Variants in GABRB3 observed in about 807,000 individuals in gnomAD.
The protein encoded by GABRB3 is gamma-aminobutyric acid type A receptor subunit beta3.
A neutral mutation model predicts 52.1 loss-of-function variants in GABRB3; 14 were observed. That is an observed-to-expected ratio of 0.27 (90% CI 0.18 to 0.42). GABRB3 has a LOEUF of 0.42. Among genes scored for constraint, GABRB3 ranks in the 10% least tolerant of loss-of-function variants. The probability of loss-of-function intolerance (pLI) is 1.00; values close to 1 mark genes in which losing one functional copy is unlikely to be tolerated. For synonymous variants in GABRB3, 260 were observed against 232.3 expected (o/e 1.12, Z -1.08); for missense variants, 307 against 609.1 (o/e 0.50, Z 5.22).
At chr15:26,742,542 G>T (rs1024879274) in intron 3 of GABRB3, among the ~76,000 whole-genome samples, 1 of 152,172 alleles carries the variant, frequency 6.6e-6, no homozygotes, top group Non-Finnish European at 1.5e-5. Flanking sequence ...TGTGTCTAAT[G>T]TTTTCACCCA....
intron 3 of GABRB3, among the ~76,000 whole-genome samples, chr15:26,669,076 T>C (rs1342400475): frequency 6.6e-6 from 1 of 152,180 alleles, no homozygotes; most frequent in African/African-American, 2.4e-5. Flanking sequence ...GGCTCACTGC[T>C]TTCCATAAAC....
At chr15:26,701,260 TG>T (rs1279450174) in intron 3 of GABRB3, among the ~76,000 whole-genome samples, 3 of 150,908 alleles carry the variant, frequency 2.0e-5, no homozygotes, top group Non-Finnish European at 4.4e-5. Flanking sequence ...TGTGGTAAGT[TG>T]GGGGGAAAAA....
chr15:26,576,261 C>T (rs1890587326), intron 6 of GABRB3, among the ~76,000 whole-genome samples: 1 of 152,194 alleles, frequency 6.6e-6, no homozygotes, highest in African/African-American at 2.4e-5. Flanking sequence ...CTCAAATATC[C>T]TGACTGAGCT....
intron 3 of GABRB3, among the ~76,000 whole-genome samples, chr15:26,701,316 T>G (rs1046409651): frequency 6.6e-6 from 1 of 152,204 alleles, no homozygotes; most frequent in African/African-American, 2.4e-5. Context: ...GGGGCAACAC[T>G]GTCTTTATTC....
intron 3 of GABRB3, among the ~76,000 whole-genome samples, chr15:26,678,495 C>T (rs893354570): frequency 1.3e-5 from 2 of 150,280 alleles, no homozygotes; most frequent in Non-Finnish European, 2.9e-5. Flanking sequence ...TGAGAAAGCA[C>T]GAGAAAGAAA....
Position 26,543,886 on chromosome 15 carries a change from T to G in GABRB3, c.*3907A>C, listed in dbSNP as rs571003752. The G allele has an allele frequency of 4.6e-5, 7 of 152,714 alleles. No homozygotes were observed. The highest frequency in any genetic ancestry group is 1.7e-4 in the African/African-American group (7 of 41,560). The allele number at this position is 152,714 out of a possible 1,614,324, so 9.5% of individuals were successfully genotyped here. A position where few individuals can be genotyped will look rare whatever the true frequency, so the allele number is the denominator to read the frequency against. ...CATACGGGAGCCACTCTCTGGAAGG[T>G]CATTGTTTACCCAGGTGTTGGGAAT... On this transcript the variant is annotated 3_prime_UTR_variant, in exon 9 of 9. Transcript: ENST00000311550.
chr15:26,560,957 T>C lies in GABRB3; in HGVS notation c.1055A>G (p.Asp352Gly), dbSNP rs1889959031. The change falls in exon 8 of 9, where the codon GAC becomes GGC. Residue 352 changes from aspartate to glycine, a missense_variant. Asp to Gly is a moderately conservative substitution (Grantham distance 94, BLOSUM62 -1). Around this residue, in one of 6 missense-constraint regions of GABRB3, gnomAD observed 115 missense variants for 166.9 expected, o/e 0.69. Coordinates refer to ENST00000311550, the MANE Select transcript of GABRB3 (RefSeq NM_000814.6). ...LAEKTAKAKNDRSKSESNRVD... is the reference protein window; with the variant it reads ...LAEKTAKAKNGRSKSESNRVD... ...CCGGTTGCTTTCGCTCTTTGAACGG[T>C]CATTCTTTGCCTTGGCTGTCTTTTC... The C allele has an allele frequency of 1.9e-6, 3 of 1,613,888 alleles. No individual in the cohort carries two copies. Among genetic ancestry groups the C allele is most frequent in the Non-Finnish European group, 2.5e-6 (3 of 1,179,964 alleles).
intron 3 of GABRB3, among the ~76,000 whole-genome samples, chr15:26,688,004 T>C (rs1285922115): frequency 6.6e-6 from 1 of 152,238 alleles, no homozygotes; most frequent in African/African-American, 2.4e-5. Flanking sequence ...GAAGACACTC[T>C]GACTTTATGA....
intron 3 of GABRB3, among the ~76,000 whole-genome samples, chr15:26,769,659 G>A (rs1891092537): frequency 1.3e-5 from 2 of 152,032 alleles, no homozygotes; most frequent in Admixed American, 6.6e-5. Flanking sequence ...AAGTAAGCCA[G>A]TCAGAATTCT....
At chr15:26,606,805 T>TATCGATAGATATATTGATAGATAG (rs1275882932) in intron 4 of GABRB3, among the ~76,000 whole-genome samples, 22 of 118,052 alleles carry the variant, frequency 1.9e-4, no homozygotes, top group African/African-American at 5.8e-4. Flanking sequence ...TAGATATATC[T>TATCGATAGATATATTGATAGATAG]ATAGATAGAT....
At chr15:26,635,001 T>TAC (rs1893014549) in intron 3 of GABRB3, among the ~76,000 whole-genome samples, 1 of 8,130 alleles carries the variant, frequency 1.2e-4, no homozygotes, top group South Asian at 0.011. Context: ...TATATATATA[T>TAC]ATATATATAA....
At chr15:26,554,057 A>ATATATATT in intron 8 of GABRB3, among the ~76,000 whole-genome samples, 1 of 114,310 alleles carries the variant, frequency 8.7e-6, no homozygotes, top group Non-Finnish European at 1.8e-5. Flanking sequence ...ATATTTATTT[A>ATATATATT]TATATAAAGT....
chr15:26,723,343 T>C (rs1699231475), intron 3 of GABRB3, among the ~76,000 whole-genome samples: 1 of 152,254 alleles, frequency 6.6e-6, no homozygotes. Flanking sequence ...GAAGGCATTC[T>C]TTCTAATTCC....
At chr15:26,697,886 G>C (rs536705058) in intron 3 of GABRB3, among the ~76,000 whole-genome samples, 2 of 152,108 alleles carry the variant, frequency 1.3e-5, no homozygotes, top group African/African-American at 4.8e-5. Context: ...GCAGAACTCC[G>C]GGCTCTTATC....
chr15:26,669,973 A>C (rs903816554), intron 3 of GABRB3, among the ~76,000 whole-genome samples: 3 of 152,174 alleles, frequency 2.0e-5, no homozygotes, highest in Non-Finnish European at 4.4e-5. Flanking sequence ...GTCTGAATCC[A>C]GTGTCACTTC....
chr15:26,636,045 A>G (rs1317324310), intron 3 of GABRB3, among the ~76,000 whole-genome samples: 2 of 152,232 alleles, frequency 1.3e-5, no homozygotes, highest in Non-Finnish European at 2.9e-5. Context: ...AAGGCATTGC[A>G]TAAAGCAGCC....
intron 4 of GABRB3, among the ~76,000 whole-genome samples, chr15:26,596,730 A>G (rs142720079): frequency 5.3e-5 from 8 of 152,326 alleles, no homozygotes; most frequent in African/African-American, 1.7e-4. Context: ...ATCTGTTACT[A>G]TATTTAAAAG....
chr15:26,732,837 T>A (rs970825100), intron 3 of GABRB3, among the ~76,000 whole-genome samples: 1 of 151,972 alleles, frequency 6.6e-6, no homozygotes, highest in African/African-American at 2.4e-5. Flanking sequence ...AAAATACAAT[T>A]CTTTTTTTTA....
chr15:26,763,704 T>C (rs568182367), intron 3 of GABRB3, among the ~76,000 whole-genome samples: 7 of 151,872 alleles, frequency 4.6e-5, no homozygotes, highest in Admixed American at 1.3e-4. Flanking sequence ...TATTGTAAAG[T>C]CTTATTCAAA....
Sources: gnomAD v4.1 joint callset for allele counts (sites outside exome capture counted in the v4.1 genomes callset) on GRCh38, gnomAD v4.1.1 for gene constraint, gnomAD v4.1.1 regional missense constraint, MANE v1.5 for transcripts, NCBI Gene and HGNC (gene_info 2026-07-23, HGNC 2026-07-21) for gene names.